GRHL3: variants seen among roughly 807,000 people sequenced by gnomAD.
The protein encoded by GRHL3 is grainyhead-like protein 3 homolog.
Under a neutral mutation model 70.3 loss-of-function variants are expected in GRHL3, and 20 were observed. The observed-to-expected ratio is 0.28, with a 90% CI of 0.20 to 0.41. GRHL3 has a LOEUF of 0.41. Among genes scored for constraint, GRHL3 ranks in the 10% least tolerant of loss-of-function variants. GRHL3 has a pLI of 1.00. For synonymous variants in GRHL3, 299 were observed against 299.9 expected (o/e 1.00, Z 0.03); for missense variants, 637 against 762.3 (o/e 0.84, Z 1.94).
downstream of GRHL3, chr1:24,355,429 G>A (rs565814362): frequency 2.6e-4 from 40 of 152,234 alleles, 1 homozygote; most frequent in Admixed American, 2.0e-4. Flanking sequence ...TGCGGAGAAC[G>A]GGTTGCCCTG....
chr1:24,319,586 G>C lies in GRHL3; in HGVS notation c.17+18G>C. ...GAACTTGAGTGAGTAAACATCGGTG[G>C]ATACCTGCCGCTCTCAGAGCGTGGA... On this transcript the variant is annotated intron_variant, in intron 1 of 15. Transcript: ENST00000361548. The C allele has an allele frequency of 6.2e-7, 1 of 1,613,806 alleles. No individual in the cohort carries two copies. The highest frequency in any genetic ancestry group is 2.2e-5 in the East Asian group (1 of 44,886).
intron 2 of GRHL3, among the ~76,000 whole-genome samples, chr1:24,333,928 T>C (rs1021130788): frequency 7.9e-5 from 12 of 152,204 alleles, no homozygotes; most frequent in African/African-American, 2.7e-4. Flanking sequence ...CATAATCCCC[T>C]TTAAGTAGGT....
downstream of GRHL3, among the ~76,000 whole-genome samples, chr1:24,359,295 G>A (rs544895606): frequency 6.6e-6 from 1 of 152,364 alleles, no homozygotes; most frequent in East Asian, 1.9e-4. This position sits in a 1 kb window ranked among gnomAD's most constrained non-coding sequence, Gnocchi z 5.3. Context: ...CAGGTGCCTA[G>A]CACCACATAC....
rs1028765659 is a variant in GRHL3, at chr1:24,334,875, A to G, written c.266+169A>G. ...TTCATTTATTTTAAAATTAAAAGAA[A>G]AAAATCAATATAATCCAACTTGGAT... On this transcript the variant is annotated intron_variant, in intron 3 of 15. Coordinates refer to ENST00000361548, the MANE Select transcript of GRHL3 (RefSeq NM_198173.3). This position sits in a 1 kb window ranked among gnomAD's most constrained non-coding sequence, Gnocchi z 4.3. Among the ~76,000 whole-genome samples, 4 of 152,234 alleles carry G rather than the reference A, an allele frequency of 2.6e-5. No individual in the cohort carries two copies. Among genetic ancestry groups the G allele is most frequent in the African/African-American group, 9.6e-5 (4 of 41,454 alleles).
chr1:24,354,094 G>A (rs1350116049), intron 15 of GRHL3, among the ~76,000 whole-genome samples: 1 of 152,184 alleles, frequency 6.6e-6, no homozygotes, highest in Non-Finnish European at 1.5e-5. Flanking sequence ...GTCCATCCTC[G>A]GGTGTACCAG....
In GRHL3 at chr1:24,337,795, T is replaced by C; in HGVS notation, c.840+6T>C. The C allele has an allele frequency of 1.9e-6, 3 of 1,614,150 alleles. No individual in the cohort carries two copies. The highest frequency in any genetic ancestry group is 2.5e-6 in the Non-Finnish European group (3 of 1,180,028). ...TGTCCTCCAACAAAGTCAAGGTGCGTTGGCCTGGAGCAGCTTCAGAAGGGG... is the reference window on the plus strand; with the variant it reads ...TGTCCTCCAACAAAGTCAAGGTGCGCTGGCCTGGAGCAGCTTCAGAAGGGG... On this transcript the variant is annotated splice_donor_region_variant and intron_variant, in intron 6 of 15. Coordinates refer to ENST00000361548, the MANE Select transcript of GRHL3 (RefSeq NM_198173.3).
At chr1:24,340,007 TA>T (rs1209454732) in intron 8 of GRHL3, among the ~76,000 whole-genome samples, 2 of 152,186 alleles carry the variant, frequency 1.3e-5, no homozygotes, top group East Asian at 3.8e-4. Context: ...CCTCTGAGCC[TA>T]AGTTGTTTTG....
At position 24,319,537 on chromosome 1, in the gene GRHL3, C is replaced by A; in HGVS notation, c.-15C>A. The A allele has an allele frequency of 1.2e-6, 2 of 1,613,176 alleles. No individual in the cohort carries two copies. The highest frequency in any genetic ancestry group is 1.7e-6 in the Non-Finnish European group (2 of 1,179,218). Reference sequence around the variant, plus strand: ...AGAGCCTCAGTGCTGATCGTCGGAGCTTGGGAGCAGGAAGATGTCGAATGA... The same window carrying A: ...AGAGCCTCAGTGCTGATCGTCGGAGATTGGGAGCAGGAAGATGTCGAATGA... On this transcript the variant is annotated 5_prime_UTR_variant, in exon 1 of 16. Coordinates refer to ENST00000361548, the MANE Select transcript of GRHL3 (RefSeq NM_198173.3).
chr1:24,336,966 T>C (rs1639842588), intron 4 of GRHL3, 112 bp from the exon 5 acceptor site: 8 of 1,231,258 alleles, frequency 6.5e-6, no homozygotes, highest in Non-Finnish European at 8.2e-6. Context: ...CCATGTACTA[T>C]TGTCCAAGTT....
At chr1:24,348,049 TA>T (rs1248340661) in intron 14 of GRHL3, among the ~76,000 whole-genome samples, 1 of 152,010 alleles carries the variant, frequency 6.6e-6, no homozygotes, top group Non-Finnish European at 1.5e-5. Flanking sequence ...CAGTCCTGAA[TA>T]AAACCCATAG....
At chr1:24,362,125 G>A (rs1641161509) in intron 15 of GRHL3, among the ~76,000 whole-genome samples, 1 of 152,178 alleles carries the variant, frequency 6.6e-6, no homozygotes, top group South Asian at 2.1e-4. Context: ...AATGACCAAG[G>A]GAGCCAGCCC....
Position 24,334,728 on chromosome 1 carries a change from T to C in GRHL3, c.266+22T>C, listed in dbSNP as rs200171107. 1.3e-4 allele frequency: 203 copies of C among 1,599,576 alleles called. 1 individual carries two copies. The highest frequency in any genetic ancestry group is 1.6e-4 in the Non-Finnish European group (189 of 1,171,392). On this transcript the variant is annotated intron_variant, in intron 3 of 15. Coordinates refer to ENST00000361548, the MANE Select transcript of GRHL3 (RefSeq NM_198173.3). This position sits in a 1 kb window ranked among gnomAD's most constrained non-coding sequence, Gnocchi z 4.3. ...AGAGGTGAGGCTTGCCAACACCCTC[T>C]GCCTCTTTGCCCTTCCCCACCTCCA...
At chr1:24,360,338 A>G (rs1373026098) in intron 15 of GRHL3, among the ~76,000 whole-genome samples, 1 of 152,194 alleles carries the variant, frequency 6.6e-6, no homozygotes, top group Non-Finnish European at 1.5e-5. Context: ...AATTCCAGCT[A>G]CTTGGGAGGC....
chr1:24,337,667 G>T lies in GRHL3; in HGVS notation c.718G>T (p.Ala240Ser). The change falls in exon 6 of 16, where the codon GCC becomes TCC. Residue 240 changes from alanine (A) to serine (S), a missense_variant. Ala to Ser is a moderately conservative substitution (Grantham distance 99). Coordinates refer to ENST00000361548, the MANE Select transcript of GRHL3 (RefSeq NM_198173.3). ...TGAATACACCCTGGGCTCCCCCAAAGCCATCCACATCAAGTCAGGCGAGTC... is the reference window on the plus strand; with the variant it reads ...TGAATACACCCTGGGCTCCCCCAAATCCATCCACATCAAGTCAGGCGAGTC... ...DFEYTLGSPKAIHIKSGESPM... is the reference protein window; with the variant it reads ...DFEYTLGSPKSIHIKSGESPM... 9 of 1,614,148 alleles carry T rather than the reference G, an allele frequency of 5.6e-6. No homozygotes were observed. Among genetic ancestry groups the T allele is most frequent in the Non-Finnish European group, 7.6e-6 (9 of 1,180,030 alleles).
intron 1 of GRHL3, among the ~76,000 whole-genome samples, chr1:24,324,028 A>G (rs1639301723): frequency 6.6e-6 from 1 of 152,166 alleles, no homozygotes; most frequent in African/African-American, 2.4e-5. Flanking sequence ...TCCTCAGTGA[A>G]TGTTTGTTGA....
chr1:24,337,184 G>C, intron 5 of GRHL3, 33 bp downstream of exon 5: 8 of 1,499,026 alleles, frequency 5.3e-6, no homozygotes, highest in Non-Finnish European at 7.4e-6. Flanking sequence ...TCAGACACCT[G>C]GGCAGTGGGC....
intron 15 of GRHL3, 98 bp downstream of exon 15, chr1:24,350,220 G>A: frequency 1.0e-6 from 1 of 981,462 alleles, no homozygotes; most frequent in Non-Finnish European, 1.5e-6. Context: ...TGGAGTTGGG[G>A]TGGAGAGCTC....
chr1:24,337,016 G>A, intron 4 of GRHL3, 62 bp from the exon 5 acceptor site: 2 of 1,519,564 alleles, frequency 1.3e-6, no homozygotes, highest in Non-Finnish European at 1.8e-6. Context: ...GCACAGCCCT[G>A]GGCTGAGGCT....
At position 24,342,804 on chromosome 1, in the gene GRHL3, G is replaced by C. The variant is rs771569908; in HGVS notation, c.1285+32G>C. Reference sequence around the variant, plus strand: ...GGGGATCCAGGGCCTGGGTGGGCTCGGCTGGCGTGAAGGGGAGAAGGAGAC... The same window carrying C: ...GGGGATCCAGGGCCTGGGTGGGCTCCGCTGGCGTGAAGGGGAGAAGGAGAC... On this transcript the variant is annotated intron_variant, in intron 10 of 15. Coordinates refer to ENST00000361548, the MANE Select transcript of GRHL3 (RefSeq NM_198173.3). The surrounding 1 kb of genome is among the most constrained non-coding windows in gnomAD (Gnocchi z 4.8). 1.2e-6 allele frequency: 2 copies of C among 1,613,852 alleles called. No individual in the cohort carries two copies. The highest frequency in any genetic ancestry group is 1.7e-6 in the Non-Finnish European group (2 of 1,179,726).
Sources: allele counts gnomAD v4.1 joint callset (sites outside exome capture counted in the v4.1 genomes callset), GRCh38; gene constraint gnomAD v4.1.1; non-coding constraint Gnocchi (gnomAD v3.1); transcripts MANE v1.5; gene names NCBI Gene and HGNC (gene_info 2026-07-23, HGNC 2026-07-21).